The following MIA2 variants were observed in gnomAD, a reference collection of about 807,000 sequenced individuals.
The protein encoded by MIA2 is MIA SH3 domain ER export factor 2.
A neutral mutation model predicts 167.8 loss-of-function variants in MIA2; 127 were observed. The observed-to-expected ratio is 0.76, with a 90% CI of 0.66 to 0.88. MIA2 has a LOEUF of 0.88. MIA2 is among the 40% of genes least tolerant of loss of function. The probability of loss-of-function intolerance (pLI) is 0.00; values close to 1 mark genes in which losing one functional copy is unlikely to be tolerated. For missense variants in MIA2, 1,690 were observed against 1,624.7 expected, an observed-to-expected ratio of 1.04 and a Z score of -0.69; for synonymous variants, 552 against 541.9, an observed-to-expected ratio of 1.02 and a Z score of -0.26.
chr14:39,339,360 T>A (rs930809345), intron 25 of MIA2, among the ~76,000 whole-genome samples: 15 of 152,202 alleles, frequency 9.9e-5, no homozygotes, highest in Admixed American at 8.5e-4. Context: ...GATAACTACT[T>A]CTACTGTAGC....
intron 23 of MIA2, among the ~76,000 whole-genome samples, chr14:39,364,862 TTC>T (rs2074782984): frequency 6.6e-6 from 1 of 151,708 alleles, no homozygotes; most frequent in African/African-American, 2.4e-5. Context: ...AGATTTTTTT[TTC>T]TTGTTGTTTT....
chr14:39,286,097 T>C (rs572958924), intron 9 of MIA2, among the ~76,000 whole-genome samples: 1 of 152,186 alleles, frequency 6.6e-6, no homozygotes, highest in African/African-American at 2.4e-5. Flanking sequence ...GGCAGGTGGC[T>C]GGGAGGTGGA....
chr14:39,326,331 T>C (rs2067542028), intron 24 of MIA2, among the ~76,000 whole-genome samples: 1 of 152,174 alleles, frequency 6.6e-6, no homozygotes, highest in Non-Finnish European at 1.5e-5. Flanking sequence ...CAGAAGTATT[T>C]ATCTTTTTTA....
chr14:39,359,381 G>A lies in MIA2; in HGVS notation c.2248+10404G>A, dbSNP rs998128791. ...GTGGGATATAATCTTCTGGTGTGCC[G>A]TTTGATAAGACCGTTGGAAAAACGC... On this transcript the variant is annotated intron_variant, in intron 23 of 23. Transcript: ENST00000341502. Among the ~76,000 whole-genome samples, 6 of 152,190 alleles carry A rather than the reference G, an allele frequency of 3.9e-5. No homozygotes were observed. In the South Asian group the frequency reaches 8.3e-4, roughly 21 times the overall value.
intron 23 of MIA2, among the ~76,000 whole-genome samples, chr14:39,359,692 C>T (rs1292114735): frequency 6.6e-6 from 1 of 152,118 alleles, no homozygotes; most frequent in Admixed American, 6.5e-5. Context: ...CTATCTTGCC[C>T]CAGCCCCCTA....
At chr14:39,246,245 C>T (rs1444883363) in intron 3 of MIA2, among the ~76,000 whole-genome samples, 2 of 151,912 alleles carry the variant, frequency 1.3e-5, no homozygotes, top group East Asian at 3.9e-4. Context: ...TACAGGCGCC[C>T]ACCACCATGC....
Position 39,294,905 on chromosome 14 carries a change from A to T in MIA2, c.2392-20A>T. The T allele has an allele frequency of 1.3e-6, 2 of 1,494,036 alleles. No individual in the cohort carries two copies. The highest frequency in any genetic ancestry group is 1.9e-6 in the Non-Finnish European group (2 of 1,072,708). 92.5% of individuals were successfully genotyped at this position (1,494,036 alleles called of 1,614,324 possible). A position where few individuals can be genotyped will look rare whatever the true frequency, so the allele number is the denominator to read the frequency against. ...TATTAAATTAATTGTTACAAACTTGACATTTTTTGTTTCACTTAGGCCAAA... is the reference window on the plus strand; with the variant it reads ...TATTAAATTAATTGTTACAAACTTGTCATTTTTTGTTTCACTTAGGCCAAA... On this transcript the variant is annotated intron_variant, in intron 12 of 28. Coordinates refer to ENST00000640607, the MANE Select transcript of MIA2 (RefSeq NM_001329214.4).
intron 17 of MIA2, among the ~76,000 whole-genome samples, chr14:39,306,996 A>G (rs1273204242): frequency 6.6e-6 from 1 of 152,180 alleles, no homozygotes. Context: ...TTTTTTAAAG[A>G]TGGCTTAGCG....
At chr14:39,292,646 C>CT (rs1450394409) in intron 10 of MIA2, 1 of 297,650 alleles carries the variant, frequency 3.4e-6, no homozygotes, top group Non-Finnish European at 6.5e-6. Flanking sequence ...GCATTAAAAT[C>CT]TTTGAATCTT....
chr14:39,282,777 T>C (rs908690553), intron 9 of MIA2, among the ~76,000 whole-genome samples: 3 of 152,172 alleles, frequency 2.0e-5, no homozygotes, highest in African/African-American at 7.2e-5. Flanking sequence ...CTCCCTATGT[T>C]GCCAAGGATG....
At chr14:39,288,426 A>T (rs1595095089) in intron 9 of MIA2, among the ~76,000 whole-genome samples, 1 of 107,512 alleles carries the variant, frequency 9.3e-6, no homozygotes, top group Admixed American at 1.2e-4. Flanking sequence ...GCGTGTATAT[A>T]TTATACATAT....
At chr14:39,237,335 C>T (rs953995660) in intron 2 of MIA2, 13 of 379,736 alleles carry the variant, frequency 3.4e-5, no homozygotes, top group South Asian at 2.7e-4. Flanking sequence ...ACTCTGTTGC[C>T]CAGGCTGGTC....
intron 24 of MIA2, among the ~76,000 whole-genome samples, chr14:39,323,346 A>G (rs1323241957): frequency 6.6e-6 from 1 of 151,906 alleles, no homozygotes; most frequent in Non-Finnish European, 1.5e-5. Context: ...ATAGACTGAT[A>G]CTTAGAGCCT....
intron 18 of MIA2, among the ~76,000 whole-genome samples, chr14:39,311,704 G>A (rs2064312775): frequency 6.6e-6 from 1 of 151,432 alleles, no homozygotes; most frequent in Admixed American, 6.6e-5. Context: ...TGGCCAGGCT[G>A]GTCTCAAACT....
At chr14:39,269,158 A>T (rs966877358) in intron 6 of MIA2, 32 of 643,734 alleles carry the variant, frequency 5.0e-5, no homozygotes, top group East Asian at 4.5e-4. Flanking sequence ...TCCGCTTTAA[A>T]TTTTTTTTTT....
intron 23 of MIA2, chr14:39,385,460 A>G (rs888056957): frequency 9.6e-6 from 11 of 1,147,566 alleles, no homozygotes; most frequent in Admixed American, 8.4e-5. Flanking sequence ...GGGTCAATCA[A>G]CTCTCTCCAA....
intron 23 of MIA2, chr14:39,370,605 G>A: frequency 2.8e-6 from 1 of 358,320 alleles, no homozygotes; most frequent in Admixed American, 2.9e-5. Context: ...TCTTGAGGAA[G>A]TCCAGCACCT....
intron 14 of MIA2, 35 bp downstream of exon 14, chr14:39,300,021 G>T (rs182431017): frequency 1.3e-6 from 2 of 1,571,016 alleles, no homozygotes; most frequent in East Asian, 2.3e-5. Flanking sequence ...GATCAAGTTG[G>T]CTAGAATTTT....
At chr14:39,339,582 A>C (rs2153045752) in intron 25 of MIA2, among the ~76,000 whole-genome samples, 1 of 152,308 alleles carries the variant, frequency 6.6e-6, no homozygotes, top group East Asian at 1.9e-4. Context: ...ATAAAAGATA[A>C]ATTATTAAAA....
Sources: gnomAD v4.1 joint callset for allele counts (sites outside exome capture counted in the v4.1 genomes callset) on GRCh38, gnomAD v4.1.1 for gene constraint, MANE v1.5 for transcripts, NCBI Gene and HGNC (gene_info 2026-07-23, HGNC 2026-07-21) for gene names.